The following TPRX1 variants were observed in gnomAD, a reference collection of about 807,000 sequenced individuals.
TPRX1 encodes the protein tetrapeptide repeat homeobox 1, also known as tetra-peptide repeat homeobox protein 1.
Under a neutral mutation model 8.1 loss-of-function variants are expected in TPRX1, and 2 were observed. That is an observed-to-expected ratio of 0.25 (90% CI 0.10 to 0.78). The LOEUF (loss-of-function observed/expected upper bound fraction) is 0.78, where lower values mean the gene tolerates loss of function less well. Among genes scored for constraint, TPRX1 ranks in the 30% least tolerant of loss-of-function variants. The pLI, the probability that TPRX1 is intolerant of heterozygous loss-of-function variation, is 0.70. For synonymous variants in TPRX1, 257 were observed against 254.1 expected, an observed-to-expected ratio of 1.01 and a Z score of -0.11; for missense variants, 517 against 586.9, an observed-to-expected ratio of 0.88 and a Z score of 1.23.
At chr19:47,813,838 T>TA (rs1379237100) in intron 2 of TPRX1, among the ~76,000 whole-genome samples, 1 of 151,510 alleles carries the variant, frequency 6.6e-6, no homozygotes, top group Non-Finnish European at 1.5e-5. Flanking sequence ...TAAATGGGAC[T>TA]AGGACAGGGT....
At chr19:47,818,883 T>C in intron 1 of TPRX1, 2 of 266,548 alleles carry the variant, frequency 7.5e-6, no homozygotes, top group Non-Finnish European at 1.5e-5. Flanking sequence ...CCTAATGCTA[T>C]TCCTCCCCCT....
intron 2 of TPRX1, among the ~76,000 whole-genome samples, chr19:47,817,550 G>A (rs994915120): frequency 6.6e-6 from 1 of 152,128 alleles, no homozygotes; most frequent in African/African-American, 2.4e-5. Flanking sequence ...GTCAATTTCC[G>A]AGGTCACACA....
chr19:47,815,120 A>ATATATATATATATATATG (rs1260360291), intron 2 of TPRX1, among the ~76,000 whole-genome samples: 3 of 86,228 alleles, frequency 3.5e-5, no homozygotes, highest in Non-Finnish European at 6.9e-5. Flanking sequence ...TAAATTATAT[A>ATATATATATATATATATG]TATATATATA....
chr19:47,809,959 T>G (rs570222426), intron 2 of TPRX1, among the ~76,000 whole-genome samples: 4 of 151,942 alleles, frequency 2.6e-5, no homozygotes, highest in Admixed American at 6.6e-5. Flanking sequence ...GAAGGGATTA[T>G]GAAATCCATT....
In TPRX1 at chr19:47,801,687, G is replaced by A. The variant is rs1967664152; in HGVS notation, c.*88C>T. 20 of 1,459,688 alleles carry A rather than the reference G, an allele frequency of 1.4e-5. No homozygotes were observed. The South Asian group carries it at 2.7e-4, about 20-fold the overall frequency. The allele number at this position is 1,459,688 out of a possible 1,614,324, so 90.4% of individuals were successfully genotyped here. A position where few individuals can be genotyped will look rare whatever the true frequency, so the allele number is the denominator to read the frequency against. On this transcript the variant is annotated 3_prime_UTR_variant, in exon 4 of 4. Coordinates refer to ENST00000535759, the Ensembl canonical transcript of TPRX1. Reference sequence around the variant, plus strand: ...ACCTGCAGCAGGGTGGGTAAAGGGTGATGCATTCACTGCAGAAAGTCACCA... The same window carrying A: ...ACCTGCAGCAGGGTGGGTAAAGGGTAATGCATTCACTGCAGAAAGTCACCA...
intron 2 of TPRX1, among the ~76,000 whole-genome samples, chr19:47,809,559 G>A (rs777828325): frequency 2.0e-5 from 3 of 151,954 alleles, no homozygotes; most frequent in Non-Finnish European, 2.9e-5. Context: ...CTGAGATTAC[G>A]GGTGTGAGCA....
At chr19:47,802,955 T>C (rs1382811561) in exon 4 of TPRX1, 2 of 1,555,068 alleles carry the variant, frequency 1.3e-6, no homozygotes, top group African/African-American at 2.7e-5. Flanking sequence ...CCGAGCTAGT[T>C]TGGCGCGGCG....
chr19:47,814,959 C>T (rs528525120), intron 2 of TPRX1, among the ~76,000 whole-genome samples: 1 of 150,780 alleles, frequency 6.6e-6, no homozygotes, highest in Non-Finnish European at 1.5e-5. Flanking sequence ...GCCACCATGC[C>T]TGGCTAATTT....
chr19:47,813,166 A>C (rs377092458), intron 2 of TPRX1, among the ~76,000 whole-genome samples: 14,987 of 104,812 alleles, frequency 0.14, 1,253 homozygotes, highest in African/African-American at 0.19. Context: ...AACCCCCCCC[A>C]CCCCGCCAAA....
At chr19:47,816,746 A>C (rs771514051) in intron 2 of TPRX1, among the ~76,000 whole-genome samples, 23 of 151,394 alleles carry the variant, frequency 1.5e-4, no homozygotes, top group East Asian at 5.8e-4. Flanking sequence ...GTTAGCCAGG[A>C]TGGTCTCGAT....
At chr19:47,815,153 TA>T (rs1237270007) in intron 2 of TPRX1, among the ~76,000 whole-genome samples, 2 of 84,854 alleles carry the variant, frequency 2.4e-5, no homozygotes, top group African/African-American at 1.0e-4. Context: ...TGCAAATATA[TA>T]TATATATATT....
At chr19:47,802,577 A>G in exon 4 of TPRX1, 1 of 1,538,428 alleles carries the variant, frequency 6.5e-7, no homozygotes, top group East Asian at 2.5e-5. Context: ...TGGGCCTGGG[A>G]TCTGGACTGG....
At chr19:47,818,570 G>A (rs1362285117) in intron 1 of TPRX1, 1 of 456,048 alleles carries the variant, frequency 2.2e-6, no homozygotes, top group Admixed American at 2.4e-5. Context: ...CAAGATGTCA[G>A]TAAGAGTTTT....
At chr19:47,801,282 A>C (rs1967660688) in exon 4 of TPRX1, 1 of 153,096 alleles carries the variant, frequency 6.5e-6, no homozygotes, top group Non-Finnish European at 1.5e-5. Flanking sequence ...AGAATATAAG[A>C]ATACATTCAA....
At chr19:47,806,447 G>C (rs981450039) in intron 2 of TPRX1, among the ~76,000 whole-genome samples, 12 of 152,104 alleles carry the variant, frequency 7.9e-5, no homozygotes, top group African/African-American at 2.9e-4. Flanking sequence ...TTGAACCCGG[G>C]AGGCAGAGGT....
At chr19:47,818,390 C>G in intron 2 of TPRX1, 1 of 423,804 alleles carries the variant, frequency 2.4e-6, no homozygotes, top group Non-Finnish European at 4.7e-6. Context: ...ATCCATCCCT[C>G]CATCCATCCA....
intron 2 of TPRX1, among the ~76,000 whole-genome samples, chr19:47,813,137 A>AAATAAAT (rs1967799178): frequency 1.4e-5 from 2 of 147,946 alleles, no homozygotes; most frequent in Non-Finnish European, 3.0e-5. Flanking sequence ...ATAAATAAAT[A>AAATAAAT]AATAATAATA....
chr19:47,805,054 G>C (rs894531579), intron 2 of TPRX1, among the ~76,000 whole-genome samples: 6 of 152,192 alleles, frequency 3.9e-5, no homozygotes, highest in African/African-American at 1.4e-4. Context: ...GTACCTCAAG[G>C]CCACTCTGGC....
At chr19:47,808,270 ATGTCTG>A (rs1427371990) in intron 2 of TPRX1, among the ~76,000 whole-genome samples, 2 of 151,772 alleles carry the variant, frequency 1.3e-5, no homozygotes, top group African/African-American at 4.8e-5. Flanking sequence ...ACCCACCATG[ATGTCTG>A]GCTAATTTTT....
Sources: gnomAD v4.1 joint callset for allele counts (sites outside exome capture counted in the v4.1 genomes callset) on GRCh38, gnomAD v4.1.1 for gene constraint, MANE v1.5 for transcripts, NCBI Gene and HGNC (gene_info 2026-07-23, HGNC 2026-07-21) for gene names.